Variants in TIAM1 observed in about 807,000 individuals in gnomAD.
TIAM1 encodes the protein rho guanine nucleotide exchange factor TIAM1.
In TIAM1, 65 loss-of-function variants were observed where a neutral mutation model predicts 163.5. The ratio of observed to expected loss-of-function variants is 0.40; its 90% confidence interval spans 0.33 to 0.49. The LOEUF (loss-of-function observed/expected upper bound fraction) is 0.49, where lower values mean the gene tolerates loss of function less well. Among genes scored for constraint, TIAM1 ranks in the 20% least tolerant of loss-of-function variants. The probability of loss-of-function intolerance (pLI) is 0.77; values close to 1 mark genes in which losing one functional copy is unlikely to be tolerated. For missense variants in TIAM1, 1,789 were observed against 2,044.7 expected (o/e 0.87, Z 2.41); for synonymous variants, 833 against 810.1 (o/e 1.03, Z -0.48).
intron 1 of TIAM1, among the ~76,000 whole-genome samples, chr21:31,525,206 T>C (rs1435672725): frequency 6.6e-6 from 1 of 151,466 alleles, no homozygotes; most frequent in Non-Finnish European, 1.5e-5. Context: ...CTGTCTCTAA[T>C]AAAAACACAA....
chr21:31,231,283 A>G lies in TIAM1; in HGVS notation c.1585-5333T>C, dbSNP rs142264511. ...GTGCTCCTTTCTTCAGCCTAATTCT[A>G]TCCATCCTGACTGATCTACCAGCAA... On this transcript the variant is annotated intron_variant, in intron 6 of 27. Coordinates refer to ENST00000541036, the MANE Select transcript of TIAM1 (RefSeq NM_001353694.2). 8.7e-3 allele frequency among the ~76,000 whole-genome samples: 1,321 copies of G among 152,284 alleles called. 8 individuals carry two copies. Among genetic ancestry groups the G allele is most frequent in the South Asian group, 0.021 (103 of 4,826 alleles).
At chr21:31,223,240 C>T (rs55785329) in intron 8 of TIAM1, among the ~76,000 whole-genome samples, 166 bp downstream of exon 8, 18,570 of 152,084 alleles carry the variant, frequency 0.12, 3,602 homozygotes, top group African/African-American at 0.41. Flanking sequence ...GTAATATATT[C>T]CAGACAGGTT....
intron 1 of TIAM1, among the ~76,000 whole-genome samples, chr21:31,520,807 G>A (rs953893370): frequency 6.6e-6 from 1 of 152,204 alleles, no homozygotes; most frequent in African/African-American, 2.4e-5. Flanking sequence ...TGTGGGCCAG[G>A]AGGCGTGGGT....
At chr21:31,465,182 G>A (rs993479473) in intron 1 of TIAM1, among the ~76,000 whole-genome samples, 1 of 151,892 alleles carries the variant, frequency 6.6e-6, no homozygotes, top group South Asian at 2.1e-4. Context: ...CTCCAGCCTG[G>A]GCGACAGAGC....
rs1211647778 is a variant in TIAM1, at chr21:31,119,037, T to C, written c.*1331A>G. 1 of 154,696 alleles carries C rather than the reference T, an allele frequency of 6.5e-6. No homozygotes were observed. The highest frequency in any genetic ancestry group is 2.4e-5 in the African/African-American group (1 of 41,234). 9.6% of individuals were successfully genotyped at this position (154,696 alleles called of 1,614,324 possible). A position where few individuals can be genotyped will look rare whatever the true frequency, so the allele number is the denominator to read the frequency against. ...ATTTTCCCCAAAAAGAAAGTTTTCA[T>C]AGTATTTTAAACCCTTCTTAGGAAG... is the stretch of plus-strand genomic sequence containing the variant. On this transcript the variant is annotated 3_prime_UTR_variant, in exon 28 of 28. Transcript: ENST00000541036.
intron 2 of TIAM1, among the ~76,000 whole-genome samples, chr21:31,402,977 T>C (rs1353669231): frequency 6.6e-6 from 1 of 151,970 alleles, no homozygotes; most frequent in African/African-American, 2.4e-5. Context: ...CTAAACAATG[T>C]ATCTTCCTGT....
chr21:31,543,279 T>C (rs1311256701), intron 1 of TIAM1, among the ~76,000 whole-genome samples: 1 of 152,222 alleles, frequency 6.6e-6, no homozygotes, highest in Non-Finnish European at 1.5e-5. Flanking sequence ...TTTGGGCTTC[T>C]CGTCCCACAG....
At chr21:31,546,450 T>C (rs181689696) in intron 1 of TIAM1, among the ~76,000 whole-genome samples, 57 of 151,992 alleles carry the variant, frequency 3.8e-4, no homozygotes, top group African/African-American at 1.2e-3. Flanking sequence ...CTCAGGAGGC[T>C]GAGGAAGGAG....
At position 31,120,604 on chromosome 21, in the gene TIAM1, ACT is replaced by A. The variant is rs1346262425; in HGVS notation, c.4538_4539del (p.Glu1513ValfsTer32). The A allele has an allele frequency of 1.9e-6, 3 of 1,614,086 alleles. No homozygotes were observed. In the Admixed American group the frequency reaches 5.0e-5, roughly 27 times the overall value. On this transcript the variant is annotated frameshift_variant, in exon 28 of 28. Coordinates refer to ENST00000541036, the MANE Select transcript of TIAM1 (RefSeq NM_001353694.2). LOFTEE classifies it high-confidence loss of function. The surrounding 1 kb of genome is among the most constrained non-coding windows in gnomAD (Gnocchi z 4.2). ...DILSDDDEFC[E>X]SVKGASVDRD... The stretch of plus-strand genomic sequence containing the variant: ...CTGTCCACTGAGGCACCCTTCACGG[ACT>A]CACAGAACTCATCATCGTCACTGAG...
intron 1 of TIAM1, among the ~76,000 whole-genome samples, chr21:31,552,275 A>G (rs1021459916): frequency 2.0e-5 from 3 of 151,950 alleles, no homozygotes; most frequent in African/African-American, 7.3e-5. Context: ...TATTTTTACA[A>G]TCAAATCGAA....
At chr21:31,205,971 A>C (rs150833301) in intron 11 of TIAM1, among the ~76,000 whole-genome samples, 127 of 152,318 alleles carry the variant, frequency 8.3e-4, no homozygotes, top group African/African-American at 2.8e-3. Flanking sequence ...TGTCTCAAAA[A>C]AAATTAATAA....
intron 1 of TIAM1, among the ~76,000 whole-genome samples, chr21:31,472,993 GGCATC>G (rs2045801839): frequency 6.6e-6 from 1 of 152,108 alleles, no homozygotes; most frequent in African/African-American, 2.4e-5. Flanking sequence ...ACTCAATCCA[GGCATC>G]ACCTGACCCT....
intron 1 of TIAM1, among the ~76,000 whole-genome samples, chr21:31,481,962 C>A (rs970663392): frequency 6.6e-6 from 1 of 151,824 alleles, no homozygotes; most frequent in Non-Finnish European, 1.5e-5. Context: ...GCCCTCATCC[C>A]GAAGCTATCA....
At chr21:31,223,843 T>C (rs540430932) in intron 7 of TIAM1, among the ~76,000 whole-genome samples, 45 of 152,310 alleles carry the variant, frequency 3.0e-4, no homozygotes, top group East Asian at 3.9e-4. Flanking sequence ...GGGGGCATGA[T>C]AGGTCTATCA....
At chr21:31,473,719 G>T (rs1055357681) in intron 1 of TIAM1, among the ~76,000 whole-genome samples, 1 of 152,048 alleles carries the variant, frequency 6.6e-6, no homozygotes, top group African/African-American at 2.4e-5. Context: ...AAAGATCAGC[G>T]AGTGAGCCAG....
At position 31,281,097 on chromosome 21, in the gene TIAM1, A is replaced by AC. The variant is rs1555915268; in HGVS notation, c.-188-4190_-188-4189insG. ...TGAGACCCTAACTCAAAAAAAAAAA[A>AC]AAAAAAAAAAACAACGACAAAAAAA... On this transcript the variant is annotated intron_variant, in intron 2 of 27. Transcript: ENST00000541036. 3.4e-3 allele frequency among the ~76,000 whole-genome samples: 508 copies of AC among 151,278 alleles called. 2 individuals carry two copies. Among genetic ancestry groups the AC allele is most frequent in the African/African-American group, 0.012 (486 of 41,190 alleles).
In TIAM1 at chr21:31,225,825, C is replaced by T; in HGVS notation, c.1710G>A (p.Leu570=). ...TTTCATCCATGTCAATCTTCTGTTC[C>T]AGTTTTTTGATCTCTGATTTCAGGA... ...LRLLKSEIKK[L]EQKIDMDEKM... Residue 570 remains leucine, a synonymous_variant, in exon 7 of 28, where the codon CTG becomes CTA. Coordinates refer to ENST00000541036, the MANE Select transcript of TIAM1 (RefSeq NM_001353694.2). The T allele has an allele frequency of 6.2e-7, 1 of 1,614,162 alleles. No homozygotes were observed. The highest frequency in any genetic ancestry group is 8.5e-7 in the Non-Finnish European group (1 of 1,180,038).
chr21:31,229,922 G>C (rs2088312021), intron 6 of TIAM1, among the ~76,000 whole-genome samples: 1 of 152,166 alleles, frequency 6.6e-6, no homozygotes. Flanking sequence ...CAAACTGCTG[G>C]GATTACAAGC....
At chr21:31,402,577 G>A (rs955706554) in intron 2 of TIAM1, among the ~76,000 whole-genome samples, 3 of 152,048 alleles carry the variant, frequency 2.0e-5, no homozygotes, top group Non-Finnish European at 4.4e-5. Flanking sequence ...ACTTGAGAGA[G>A]CTTCTTCACA....
Sources: allele counts gnomAD v4.1 joint callset (sites outside exome capture counted in the v4.1 genomes callset), GRCh38; gene constraint gnomAD v4.1.1; non-coding constraint Gnocchi (gnomAD v3.1); transcripts MANE v1.5; gene names NCBI Gene and HGNC (gene_info 2026-07-23, HGNC 2026-07-21).